Variants in KANK1 observed in about 807,000 individuals in gnomAD.
The protein encoded by KANK1 is KN motif and ankyrin repeat domains 1.
In KANK1, 109 loss-of-function variants were observed where a neutral mutation model predicts 106.2. That is an observed-to-expected ratio of 1.03 (90% CI 0.88 to 1.20). KANK1 has a LOEUF of 1.20. KANK1 is among the 50% of genes most tolerant of loss of function. The pLI is 0.00. For synonymous variants in KANK1, 873 were observed against 652.2 expected (o/e 1.34, Z -5.16); for missense variants, 2,399 against 1,710.7 (o/e 1.40, Z -7.10).
chr9:540,426 A>T (rs2060534900), intron 1 of KANK1: 1 of 152,096 alleles, frequency 6.6e-6, no homozygotes, highest in East Asian at 1.9e-4. Context: ...GTGCTTTTGA[A>T]TTTGGTTTGC....
chr9:610,470 T>G (rs528758320), intron 1 of KANK1, among the ~76,000 whole-genome samples: 1 of 152,158 alleles, frequency 6.6e-6, no homozygotes, highest in African/African-American at 2.4e-5. Flanking sequence ...ATACATGATT[T>G]AAGAAATAGA....
chr9:612,143 C>A (rs1012186569), intron 1 of KANK1, among the ~76,000 whole-genome samples: 1 of 152,172 alleles, frequency 6.6e-6, no homozygotes, highest in African/African-American at 2.4e-5. Context: ...GCCACCTATG[C>A]CTCTTAAATT....
intron 1 of KANK1, among the ~76,000 whole-genome samples, chr9:608,401 A>G (rs555884193): frequency 1.3e-5 from 2 of 149,738 alleles, no homozygotes; most frequent in African/African-American, 5.1e-5. Flanking sequence ...TCCTTTATCA[A>G]TATTTGTGTA....
intron 3 of KANK1, among the ~76,000 whole-genome samples, chr9:728,397 C>T (rs1047800530): frequency 1.4e-4 from 22 of 152,164 alleles, no homozygotes; most frequent in Non-Finnish European, 2.2e-4. Flanking sequence ...GGGGTTTCAC[C>T]GTGTTGACCA....
At chr9:607,507 A>AG (rs1482688036) in intron 1 of KANK1, among the ~76,000 whole-genome samples, 1 of 147,942 alleles carries the variant, frequency 6.8e-6, no homozygotes, top group African/African-American at 2.6e-5. Context: ...AAAAAAAAAA[A>AG]GGAGATGGCT....
chr9:699,723 T>A (rs748700379), intron 2 of KANK1, among the ~76,000 whole-genome samples: 2 of 152,246 alleles, frequency 1.3e-5, no homozygotes, highest in Non-Finnish European at 2.9e-5. Context: ...ACTTTTGCTT[T>A]CTTTAATGTT....
intron 1 of KANK1, among the ~76,000 whole-genome samples, chr9:669,944 C>G (rs1845513019): frequency 1.3e-5 from 2 of 152,056 alleles, no homozygotes; most frequent in Non-Finnish European, 2.9e-5. Flanking sequence ...TTTTTCTCCT[C>G]TATGTAATTT....
intron 2 of KANK1, among the ~76,000 whole-genome samples, chr9:705,166 A>G (rs1823740407): frequency 6.6e-6 from 1 of 152,294 alleles, no homozygotes; most frequent in African/African-American, 2.4e-5. Flanking sequence ...TCTTCAGAGC[A>G]TCAAGATGTT....
At chr9:563,609 A>C (rs946623865) in intron 1 of KANK1, among the ~76,000 whole-genome samples, 1 of 152,200 alleles carries the variant, frequency 6.6e-6, no homozygotes, top group Non-Finnish European at 1.5e-5. Flanking sequence ...TATATTTTCA[A>C]ATAGGCAGTA....
chr9:596,351 G>A (rs1442894633), intron 1 of KANK1, among the ~76,000 whole-genome samples: 2 of 151,854 alleles, frequency 1.3e-5, no homozygotes, highest in South Asian at 2.1e-4. Context: ...CACCTGTAAG[G>A]GAGGGTGTAG....
chr9:699,936 C>T (rs1019069760), intron 2 of KANK1, among the ~76,000 whole-genome samples: 1 of 152,106 alleles, frequency 6.6e-6, no homozygotes, highest in African/African-American at 2.4e-5. Context: ...GAGCTGTGAT[C>T]GTGCCGCTAC....
chr9:506,123 T>C (rs1480482198), intron 1 of KANK1, among the ~76,000 whole-genome samples: 1 of 152,218 alleles, frequency 6.6e-6, no homozygotes, highest in East Asian at 1.9e-4. Flanking sequence ...TTCCATTTCG[T>C]TGCCCCCAAA....
intron 1 of KANK1, among the ~76,000 whole-genome samples, chr9:582,852 A>G (rs1822515532): frequency 6.6e-6 from 1 of 152,234 alleles, no homozygotes; most frequent in Admixed American, 6.5e-5. Context: ...TCAGATGTAC[A>G]CTGTTACTAT....
chr9:535,793 T>C (rs2060271066), intron 1 of KANK1, among the ~76,000 whole-genome samples: 1 of 152,220 alleles, frequency 6.6e-6, no homozygotes, highest in Non-Finnish European at 1.5e-5. Context: ...CTCTCTACCA[T>C]GCTCGTCACA....
intron 2 of KANK1, among the ~76,000 whole-genome samples, chr9:698,198 C>T (rs1464172843): frequency 1.3e-5 from 2 of 152,204 alleles, no homozygotes; most frequent in African/African-American, 4.8e-5. Flanking sequence ...CCTCCAGAGA[C>T]ACTTGTTGGC....
At position 553,002 on chromosome 9, in the gene KANK1, C is replaced by G. The variant is rs186479863; in HGVS notation, c.-84+48248C>G. On this transcript the variant is annotated intron_variant, in intron 1 of 11. Coordinates refer to ENST00000382297, the MANE Select transcript of KANK1 (RefSeq NM_015158.5). ...TCTACAAAAAAATTAGAAAATTATC[C>G]AGGCCTGGTGGCACACACCTGTAAT... 2.0e-5 allele frequency among the ~76,000 whole-genome samples: 3 copies of G among 152,166 alleles called. No individual in the cohort carries two copies. The East Asian group carries it at 5.8e-4, about 29-fold the overall frequency.
At chr9:564,574 GT>G (rs1247621541) in intron 1 of KANK1, among the ~76,000 whole-genome samples, 1 of 152,186 alleles carries the variant, frequency 6.6e-6, no homozygotes, top group Non-Finnish European at 1.5e-5. Flanking sequence ...GAAAAGTAAT[GT>G]TTTAGCATGT....
rs755893805 is a variant in KANK1 at position 536,646 on chromosome 9, T to G, written c.-84+31892T>G. Among the ~76,000 whole-genome samples, 53 of 152,172 alleles carry G rather than the reference T, an allele frequency of 3.5e-4. 1 individual carries two copies. The highest frequency in any genetic ancestry group is 6.5e-4 in the Admixed American group (10 of 15,280). Reference sequence around the variant, plus strand: ...TCTCTGACCACAGAAATAAAAGACTTTTTAAAAAGACTCATTAGATTGGGT... The same window carrying G: ...TCTCTGACCACAGAAATAAAAGACTGTTTAAAAAGACTCATTAGATTGGGT... On this transcript the variant is annotated intron_variant, in intron 1 of 11. Transcript: ENST00000382297.
rs530732783 is a variant in KANK1 at position 610,101 on chromosome 9, T to C, written c.-83-66789T>C. On this transcript the variant is annotated intron_variant, in intron 1 of 11. Coordinates refer to ENST00000382297, the MANE Select transcript of KANK1 (RefSeq NM_015158.5). ...TTAAAATTTAGATCGTGTCTAATTC[T>C]TTGCTACTTTAAGTATCATTGCAGT... Among the ~76,000 whole-genome samples, 3 of 152,318 alleles carry C rather than the reference T, an allele frequency of 2.0e-5. No homozygotes were observed. The South Asian group carries it at 6.2e-4, about 32-fold the overall frequency.
Sources: allele counts gnomAD v4.1 joint callset (sites outside exome capture counted in the v4.1 genomes callset), GRCh38; gene constraint gnomAD v4.1.1; transcripts MANE v1.5; gene names NCBI Gene and HGNC (gene_info 2026-07-23, HGNC 2026-07-21).